Variants in LTK observed in about 807,000 individuals in gnomAD.
The protein encoded by LTK is leukocyte tyrosine kinase receptor.
In LTK, 117 loss-of-function variants were observed where a neutral mutation model predicts 101.5. The observed-to-expected ratio is 1.15, with a 90% CI of 0.99 to 1.34. The LOEUF is 1.34. Ranked by LOEUF, LTK falls within the 40% of genes most tolerant of loss-of-function variation. LTK has a pLI of 0.00. For synonymous variants in LTK, 563 were observed against 494.2 expected, an observed-to-expected ratio of 1.14 and a Z score of -1.85; for missense variants, 1,252 against 1,164.7, an observed-to-expected ratio of 1.07 and a Z score of -1.09.
Position 41,511,541 on chromosome 15 carries a change from G to T in LTK, c.695C>A (p.Ala232Asp). ...AGELEPLLVA[A>D]GGGGRAYLRP... ...CAGGTAGGCCCGACCGCCGCCTCCGGCCGCCACCAGCAACGGTTCCAGCTC... is the reference window on the plus strand; with the variant it reads ...CAGGTAGGCCCGACCGCCGCCTCCGTCCGCCACCAGCAACGGTTCCAGCTC... The change falls in exon 6 of 20, where the codon GCC becomes GAC. Residue 232 changes from alanine (A) to aspartate (D), a missense_variant. Physicochemically the swap from Ala to Asp is moderately radical, Grantham distance 126 (BLOSUM62 -2). Coordinates refer to ENST00000263800, the MANE Select transcript of LTK (RefSeq NM_002344.6). This position sits in a 1 kb window ranked among gnomAD's most constrained non-coding sequence, Gnocchi z 5.9. The T allele has an allele frequency of 6.9e-7, 1 of 1,455,240 alleles. No homozygotes were observed. The allele number at this position is 1,455,240 out of a possible 1,614,324, so 90.1% of individuals were successfully genotyped here. A position where few individuals can be genotyped will look rare whatever the true frequency, so the allele number is the denominator to read the frequency against.
At position 41,511,874 on chromosome 15, in the gene LTK, C is replaced by T; in HGVS notation, c.600G>A (p.Gly200=). Residue 200 remains glycine (G), a synonymous_variant, in exon 5 of 20, where the codon GGG becomes GGA. Transcript: ENST00000263800. The surrounding 1 kb of genome is among the most constrained non-coding windows in gnomAD (Gnocchi z 5.9). ...CGCCACCTCCCGCCCAGCGCCGCGA[C>T]CCCGGGACCCCTTCGCTCCCATCCA... ...AAMDGSEGVP[G]SRRWAGGGGG... The T allele has an allele frequency of 2.0e-6, 3 of 1,470,158 alleles. No individual in the cohort carries two copies. Among genetic ancestry groups the T allele is most frequent in the Non-Finnish European group, 2.7e-6 (3 of 1,123,480 alleles). 91.1% of individuals were successfully genotyped at this position (1,470,158 alleles called of 1,614,324 possible).
In LTK at chr15:41,504,246, T is replaced by G; in HGVS notation, c.2347-2A>C. 1 of 1,606,848 alleles carries G rather than the reference T, an allele frequency of 6.2e-7. No individual in the cohort carries two copies. Among genetic ancestry groups the G allele is most frequent in the Non-Finnish European group, 8.5e-7 (1 of 1,174,874 alleles). On this transcript the variant is annotated splice_acceptor_variant, in intron 19 of 19. Transcript: ENST00000263800. LOFTEE classifies it high-confidence loss of function. The stretch of plus-strand genomic sequence containing the variant: ...GAGTGAATTCAGCACATCCGGGTCC[T>G]GTAATGGAAGAGTCAGGGAGCAGGG...
At chr15:41,512,311 G>C in intron 3 of LTK, 46 bp from the exon 4 acceptor site, 1 of 1,579,346 alleles carries the variant, frequency 6.3e-7, no homozygotes. Flanking sequence ...TGCTCAGGCC[G>C]GCCGCTCCGG....
In LTK at chr15:41,505,420, C is replaced by T. The variant is rs749509925; in HGVS notation, c.1808G>A (p.Arg603Lys). ...TCTCACCAGGTGTGGCCGACTGTGC[C>T]TCAGGAAACTCTTCATGTCCCCTCC... ...MSGGDMKSFL[R>K]HSRPHLGQPS... Residue 603 changes from arginine (R) to lysine (K), a missense_variant, in exon 14 of 20, where the codon AGG (arginine) becomes AAG (lysine). Transcript: ENST00000263800. 13 of 1,614,058 alleles carry T rather than the reference C, an allele frequency of 8.1e-6. No individual in the cohort carries two copies. In the East Asian group the frequency reaches 1.1e-4, roughly 14 times the overall value.
In LTK at chr15:41,511,847, C is replaced by CCCGCCACCT; in HGVS notation, c.618_626dup (p.Gly211_Gly213dup). On this transcript the variant is annotated inframe_insertion, in exon 5 of 20. Coordinates refer to ENST00000263800, the MANE Select transcript of LTK (RefSeq NM_002344.6). The surrounding 1 kb of genome is among the most constrained non-coding windows in gnomAD (Gnocchi z 5.9). ...AAACGTAGGTGGCGCCCCCGCCACCCCCGCCACCTCCCGCCCAGCGCCGCG... is the reference window on the plus strand; with the variant it reads ...AAACGTAGGTGGCGCCCCCGCCACCCCCGCCACCTCCGCCACCTCCCGCCCAGCGCCGCG... The CCCGCCACCT allele has an allele frequency of 2.0e-6, 3 of 1,475,698 alleles. No homozygotes were observed. Among genetic ancestry groups the CCCGCCACCT allele is most frequent in the East Asian group, 2.8e-5 (1 of 35,822 alleles). 91.4% of individuals were successfully genotyped at this position (1,475,698 alleles called of 1,614,324 possible).
In LTK at chr15:41,503,930, G is replaced by A. The variant is rs1296771635; in HGVS notation, c.*66C>T. ...GGCCGCTGGCATAACAGGCCACCCA[G>A]GAGCCTGAGGAGTATAGGGAGGGAC... On this transcript the variant is annotated 3_prime_UTR_variant, in exon 20 of 20. Transcript: ENST00000263800. 4.6e-6 allele frequency: 7 copies of A among 1,509,014 alleles called. No homozygotes were observed. The African/African-American group carries it at 8.4e-5, about 18-fold the overall frequency. The allele number at this position is 1,509,014 out of a possible 1,614,324, so 93.5% of individuals were successfully genotyped here. A position where few individuals can be genotyped will look rare whatever the true frequency, so the allele number is the denominator to read the frequency against.
rs1159671037 is a variant in LTK at position 41,507,598 on chromosome 15, G to C, written c.1309C>G (p.Leu437Val). Residue 437 changes from leucine (L) to valine (V), a missense_variant, in exon 10 of 20, where the codon CTG (leucine) becomes GTG (valine). By Grantham distance (32) the Leu-to-Val change is conservative (BLOSUM62 1). Transcript: ENST00000263800. Reference protein sequence around the residue: ...LMVAVVATSTLSLLMVCGVLI... With the variant: ...LMVAVVATSTVSLLMVCGVLI... Reference sequence around the variant, plus strand: ...ACCCCACACACCATAAGGAGGCTCAGTGTTGAGGTTGCCACCACAGCCACC... The same window carrying C: ...ACCCCACACACCATAAGGAGGCTCACTGTTGAGGTTGCCACCACAGCCACC... The C allele has an allele frequency of 6.2e-7, 1 of 1,613,924 alleles. No individual in the cohort carries two copies. Among genetic ancestry groups the C allele is most frequent in the African/African-American group, 1.3e-5 (1 of 74,928 alleles).
At position 41,504,329 on chromosome 15, in the gene LTK, G is replaced by A. The variant is rs908065476; in HGVS notation, c.2346+13C>T. 7.4e-6 allele frequency: 12 copies of A among 1,613,852 alleles called. No individual in the cohort carries two copies. The highest frequency in any genetic ancestry group is 1.6e-4 in the Middle Eastern group (1 of 6,084). ...CCACAAGACCAGGATGTTAGATTAG[G>A]TCGGGGGCACACCTGAGTGCAGTAC... On this transcript the variant is annotated intron_variant, in intron 19 of 19. Coordinates refer to ENST00000263800, the MANE Select transcript of LTK (RefSeq NM_002344.6).
rs748939549 is a variant in LTK, at chr15:41,505,697, CT to C, written c.1697+15del. 15 of 1,613,464 alleles carry C rather than the reference CT, an allele frequency of 9.3e-6. No individual in the cohort carries two copies. The East Asian group carries it at 3.3e-4, about 36-fold the overall frequency. On this transcript the variant is annotated intron_variant, in intron 13 of 19. Coordinates refer to ENST00000263800, the MANE Select transcript of LTK (RefSeq NM_002344.6). ...CCCCTCCCGCCTTCCAGCCCTGCCCCTGGTCCCAGGTGCACCTGATGATGAG... is the reference window on the plus strand; with the variant it reads ...CCCCTCCCGCCTTCCAGCCCTGCCCCGGTCCCAGGTGCACCTGATGATGAG...
rs1055773938 is a variant in LTK at position 41,507,258 on chromosome 15, T to C, written c.1378A>G (p.Met460Val). 1.9e-6 allele frequency: 3 copies of C among 1,606,618 alleles called. No homozygotes were observed. Among genetic ancestry groups the C allele is most frequent in the African/African-American group, 2.7e-5 (2 of 74,476 alleles). The change falls in exon 11 of 20, where the codon ATG becomes GTG. Residue 460 changes from methionine (M) to valine (V), a missense_variant. Met to Val is a conservative substitution (Grantham distance 21, BLOSUM62 1). Transcript: ENST00000263800. ...KQKKWQGLQE[M>V]RLPSPELELS... ...TCAAGCTCAGGGCTCGGCAGCCTCA[T>C]CTCCTGCAGGCCCTGCCACTTCTTC...
At chr15:41,509,292 T>G (rs1658224952) in intron 7 of LTK, among the ~76,000 whole-genome samples, 163 bp from the exon 8 acceptor site, 1 of 152,112 alleles carries the variant, frequency 6.6e-6, no homozygotes, top group African/African-American at 2.4e-5. Flanking sequence ...GAGGGGGTAA[T>G]CAGCTGGAGC....
chr15:41,504,432 C>G lies in LTK; in HGVS notation c.2256G>C (p.Val752=), dbSNP rs1359194235. ...MDPPRGCPGP[V]YRIMTQCWQH... Reference sequence around the variant, plus strand: ...GCCAACACTGGGTCATGATGCGGTACCTGGGGAGAGGCAGGAGTTCATGCC... The same window carrying G: ...GCCAACACTGGGTCATGATGCGGTAGCTGGGGAGAGGCAGGAGTTCATGCC... Residue 752 remains valine (V), a splice_region_variant and synonymous_variant, in exon 19 of 20, where the codon GTG becomes GTC. Transcript: ENST00000263800. 1.2e-6 allele frequency: 2 copies of G among 1,614,012 alleles called. No homozygotes were observed.
intron 3 of LTK, 90 bp downstream of exon 3, chr15:41,512,617 C>T: frequency 2.1e-6 from 3 of 1,407,436 alleles, no homozygotes; most frequent in Non-Finnish European, 2.8e-6. Context: ...GTCCAAGACG[C>T]AAGTCGGTGC....
chr15:41,505,837 A>T lies in LTK; in HGVS notation c.1633-60T>A. ...CTGCACGCTTCAGGAGAGGGGGTTA[A>T]CCCTAGCTCTAGTCATTGTCCTTCC... is the stretch of plus-strand genomic sequence containing the variant. On this transcript the variant is annotated intron_variant, in intron 12 of 19. Transcript: ENST00000263800. 9.4e-6 allele frequency: 15 copies of T among 1,602,936 alleles called. No homozygotes were observed. The South Asian group carries it at 1.5e-4, about 17-fold the overall frequency.
At chr15:41,509,520 G>A (rs867927809) in intron 7 of LTK, among the ~76,000 whole-genome samples, 3 of 152,152 alleles carry the variant, frequency 2.0e-5, no homozygotes, top group Non-Finnish European at 4.4e-5. Context: ...TGTTAGAGAA[G>A]GGCTGAGAAT....
At position 41,512,812 on chromosome 15, in the gene LTK, T is replaced by C; in HGVS notation, c.254A>G (p.Gln85Arg). 1 of 1,612,608 alleles carries C rather than the reference T, an allele frequency of 6.2e-7. No individual in the cohort carries two copies. Among genetic ancestry groups the C allele is most frequent in the Non-Finnish European group, 8.5e-7 (1 of 1,179,848 alleles). Residue 85 changes from glutamine to arginine, a missense_variant, in exon 3 of 20, where the codon CAA (glutamine) becomes CGA (arginine). By Grantham distance (43) the Gln-to-Arg change is conservative. Coordinates refer to ENST00000263800, the MANE Select transcript of LTK (RefSeq NM_002344.6). ...GGTCCCCGCGTACGCCCCGTCACAT[T>C]GTGTCTGTGTGGGCCCATGCCGGCC... Reference protein sequence around the residue: ...ASGRHGPTQTQCDGAYAGTSV... With the variant: ...ASGRHGPTQTRCDGAYAGTSV...
Position 41,511,502 on chromosome 15 carries a change from C to T in LTK, c.734G>A (p.Arg245Gln), listed in dbSNP as rs867556404. 1 of 1,478,162 alleles carries T rather than the reference C, an allele frequency of 6.8e-7. No individual in the cohort carries two copies. The highest frequency in any genetic ancestry group is 8.9e-7 in the Non-Finnish European group (1 of 1,124,718). The allele number at this position is 1,478,162 out of a possible 1,614,324, so 91.6% of individuals were successfully genotyped here. The change falls in exon 6 of 20, where the codon CGA becomes CAA. Residue 245 changes from arginine (R) to glutamine (Q), a missense_variant. By Grantham distance (43) the Arg-to-Gln change is conservative. Coordinates refer to ENST00000263800, the MANE Select transcript of LTK (RefSeq NM_002344.6). The surrounding 1 kb of genome is among the most constrained non-coding windows in gnomAD (Gnocchi z 5.9). ...GGRAYLRPRD[R>Q]GRTQASPEKL... is the part of the protein sequence containing the mutation. ...CTCGGGGGAGGCCTGAGTCCGGCCT[C>T]GGTCCCGCGGCCTCAGGTAGGCCCG...
At chr15:41,505,330 G>A in intron 14 of LTK, 25 bp from the exon 15 acceptor site, 24 of 1,613,536 alleles carry the variant, frequency 1.5e-5, no homozygotes, top group Non-Finnish European at 1.9e-5. Context: ...GGGGGCATCA[G>A]TCCATGTAGG....
At chr15:41,505,374 C>T (rs1349563578) in intron 14 of LTK, 27 bp downstream of exon 14, 1 of 1,573,724 alleles carries the variant, frequency 6.4e-7, no homozygotes, top group Non-Finnish European at 8.6e-7. Context: ...TTAGAGGGGC[C>T]TGGGGGGGCT....
Sources: allele counts gnomAD v4.1 joint callset (sites outside exome capture counted in the v4.1 genomes callset), GRCh38; gene constraint gnomAD v4.1.1; non-coding constraint Gnocchi (gnomAD v3.1); transcripts MANE v1.5; gene names NCBI Gene and HGNC (gene_info 2026-07-23, HGNC 2026-07-21).